Variants in CREBBP observed in about 807,000 individuals in gnomAD.
The protein encoded by CREBBP is CREB-binding protein.
CREBBP carries 19 observed loss-of-function variants against 265.0 expected under a neutral mutation model. That is an observed-to-expected ratio of 0.07 (90% CI 0.05 to 0.11). The LOEUF is 0.11. Ranked by LOEUF, CREBBP falls within the 10% of genes least tolerant of loss-of-function variation. The pLI is 1.00. For synonymous variants in CREBBP, 1,457 were observed against 1,223.7 expected (o/e 1.19, Z -3.98); for missense variants, 2,525 against 3,219.0 (o/e 0.78, Z 5.22).
intron 3 of CREBBP, among the ~76,000 whole-genome samples, chr16:3,797,447 C>T (rs1046021053): frequency 6.6e-6 from 1 of 152,146 alleles, no homozygotes; most frequent in African/African-American, 2.4e-5. Context: ...TCAGATAGTA[C>T]TGAATCCTAT....
At chr16:3,830,834 T>C (rs1454419541) in intron 2 of CREBBP, among the ~76,000 whole-genome samples, 1 of 152,170 alleles carries the variant, frequency 6.6e-6, no homozygotes, top group Admixed American at 6.5e-5. Flanking sequence ...CAGGCTGAAG[T>C]GCAGTGGCGC....
rs747207973 is a variant in CREBBP, at chr16:3,850,327, C to T, written c.768G>A (p.Leu256=). 4 of 1,614,114 alleles carry T rather than the reference C, an allele frequency of 2.5e-6. No individual in the cohort carries two copies. In the East Asian group the frequency reaches 8.9e-5, roughly 36 times the overall value. The change falls in exon 2 of 31, where the codon CTG becomes CTA. Residue 256 remains leucine, a synonymous_variant. Transcript: ENST00000262367. ...CCATGCCTCCTGCCTGTGCGGTGTT[C>T]AGTCCCGCGTGACCAGTCATTTGCG... ...VSPQMTGHAG[L]NTAQAGGMAK...
chr16:3,776,796 A>C (rs1224474556), intron 11 of CREBBP, among the ~76,000 whole-genome samples: 1 of 150,564 alleles, frequency 6.6e-6, no homozygotes, highest in Non-Finnish European at 1.5e-5. Flanking sequence ...GCAGATCACA[A>C]GTTCACGCGA....
chr16:3,729,208 GT>G lies in CREBBP; in HGVS notation c.5838del (p.Pro1948ArgfsTer28). 1 of 1,529,576 alleles carries G rather than the reference GT, an allele frequency of 6.5e-7. No individual in the cohort carries two copies. The highest frequency in any genetic ancestry group is 8.7e-7 in the Non-Finnish European group (1 of 1,143,582). 94.8% of individuals were successfully genotyped at this position (1,529,576 alleles called of 1,614,324 possible). A position where few individuals can be genotyped will look rare whatever the true frequency, so the allele number is the denominator to read the frequency against. On this transcript the variant is annotated frameshift_variant, in exon 31 of 31. Coordinates refer to ENST00000262367, the MANE Select transcript of CREBBP (RefSeq NM_004380.3). LOFTEE classifies it high-confidence loss of function. ...GCTGCAGGAGGGGGCTGGGCCGGGG[GT>G]GGGGGGGCCGGCACCTGGCTGGTAG... The part of the protein sequence containing the change: ...GKPTSQVPAP[P>X]PPAQPPPAAV...
intron 2 of CREBBP, among the ~76,000 whole-genome samples, chr16:3,839,559 G>A (rs2054523410): frequency 6.6e-6 from 1 of 151,922 alleles, no homozygotes; most frequent in South Asian, 2.1e-4. Flanking sequence ...GCGCATGCCT[G>A]TAATCCCAGC....
At chr16:3,772,335 A>G (rs1422976463) in intron 13 of CREBBP, among the ~76,000 whole-genome samples, 1 of 111,860 alleles carries the variant, frequency 8.9e-6, no homozygotes, top group African/African-American at 2.9e-5. Context: ...ACAAACACAC[A>G]CACACACACA....
intron 1 of CREBBP, among the ~76,000 whole-genome samples, chr16:3,858,030 C>T (rs368487736): frequency 1.3e-5 from 2 of 152,208 alleles, no homozygotes; most frequent in East Asian, 3.9e-4. Context: ...AGGACATTCA[C>T]TTCTATACTA....
Position 3,810,492 on chromosome 16 carries a change from T to A in CREBBP, c.975+111A>T, listed in dbSNP as rs1555489225. On this transcript the variant is annotated intron_variant, in intron 3 of 30. Coordinates refer to ENST00000262367, the MANE Select transcript of CREBBP (RefSeq NM_004380.3). ...ATGAGAAATCTGGGTTCTCTTCCTATCACCTACTGACACACTTTTAGTTAT... is the reference window on the plus strand; with the variant it reads ...ATGAGAAATCTGGGTTCTCTTCCTAACACCTACTGACACACTTTTAGTTAT... The A allele has an allele frequency of 4.4e-5, 57 of 1,295,830 alleles. No homozygotes were observed. In the South Asian group the frequency reaches 6.8e-4, roughly 15 times the overall value. The allele number at this position is 1,295,830 out of a possible 1,614,324, so 80.3% of individuals were successfully genotyped here.
Position 3,729,315 on chromosome 16 carries a change from G to A in CREBBP, c.5732C>T (p.Pro1911Leu), listed in dbSNP as rs2051846329. 1.3e-6 allele frequency: 2 copies of A among 1,560,164 alleles called. No homozygotes were observed. Among genetic ancestry groups the A allele is most frequent in the Non-Finnish European group, 1.7e-6 (2 of 1,158,256 alleles). The part of the protein sequence containing the change: ...QTPQPPAQPQ[P>L]SPVSMSPAGF... ...AGCTGGTGACATGCTCACGGGTGAG[G>A]GTTGGGGCTGGGCAGGGGGCTGCGG... The change falls in exon 31 of 31, where the codon CCC becomes CTC. Residue 1911 changes from proline (P) to leucine (L), a missense_variant. By Grantham distance (98) the Pro-to-Leu change is moderately conservative. This residue lies in a region of CREBBP where 275 missense variants were observed against 276.5 expected (regional missense o/e 0.99). Transcript: ENST00000262367.
chr16:3,821,349 T>C (rs1425652904), intron 2 of CREBBP, among the ~76,000 whole-genome samples: 1 of 152,200 alleles, frequency 6.6e-6, no homozygotes, highest in Non-Finnish European at 1.5e-5. Flanking sequence ...GCCCTCACCA[T>C]GGCAATCCTC....
rs1596882262 is a variant in CREBBP at position 3,769,249 on chromosome 16, C to T, written c.2985G>A (p.Leu995=). The T allele has an allele frequency of 1.9e-6, 3 of 1,614,196 alleles. No individual in the cohort carries two copies. The highest frequency in any genetic ancestry group is 2.5e-6 in the Non-Finnish European group (3 of 1,180,042). The part of the protein sequence containing the change: ...SQQPGPDVPV[L]EMKTETQAED... Reference sequence around the variant, plus strand: ...CTGCTTGGGTCTCCGTCTTCATTTCCAGCACAGGTACGTCAGGTCCTGGCT... The same window carrying T: ...CTGCTTGGGTCTCCGTCTTCATTTCTAGCACAGGTACGTCAGGTCCTGGCT... Residue 995 remains leucine (L), a synonymous_variant, in exon 15 of 31, where the codon CTG becomes CTA. Coordinates refer to ENST00000262367, the MANE Select transcript of CREBBP (RefSeq NM_004380.3).
intron 8 of CREBBP, among the ~76,000 whole-genome samples, chr16:3,779,999 C>T (rs933753264): frequency 2.0e-5 from 3 of 151,782 alleles, no homozygotes; most frequent in East Asian, 1.9e-4. Flanking sequence ...CCCAGCACTT[C>T]GGGAGGCTGA....
chr16:3,740,587 C>T lies in CREBBP; in HGVS notation c.3983-38G>A. Reference sequence around the variant, plus strand: ...GAAGGAGCAGGTGAGAGGGCTTCAACAGCACTGCTGAGACAGTGACTGAGA... The same window carrying T: ...GAAGGAGCAGGTGAGAGGGCTTCAATAGCACTGCTGAGACAGTGACTGAGA... On this transcript the variant is annotated intron_variant, in intron 23 of 30. Coordinates refer to ENST00000262367, the MANE Select transcript of CREBBP (RefSeq NM_004380.3). 2.5e-6 allele frequency: 4 copies of T among 1,613,334 alleles called. No homozygotes were observed. In the Middle Eastern group the frequency reaches 4.9e-4, roughly 200 times the overall value.
chr16:3,848,084 C>T (rs1006422800), intron 2 of CREBBP, among the ~76,000 whole-genome samples: 3 of 151,880 alleles, frequency 2.0e-5, no homozygotes, highest in Non-Finnish European at 4.4e-5. Flanking sequence ...GCAGGACAAT[C>T]ACTTGAACCC....
intron 1 of CREBBP, among the ~76,000 whole-genome samples, chr16:3,878,048 T>C (rs28696870): frequency 0.046 from 6,979 of 152,330 alleles, 522 homozygotes; most frequent in African/African-American, 0.16. Flanking sequence ...CAGCTGGATG[T>C]ACATATAAGG....
chr16:3,852,697 G>C (rs1432100904), intron 1 of CREBBP, among the ~76,000 whole-genome samples: 2 of 152,052 alleles, frequency 1.3e-5, no homozygotes, highest in Non-Finnish European at 2.9e-5. Context: ...ACTATAAATG[G>C]ACAAAAGACA....
intron 2 of CREBBP, among the ~76,000 whole-genome samples, chr16:3,821,699 A>C (rs1284296250): frequency 6.6e-6 from 1 of 152,182 alleles, no homozygotes; most frequent in East Asian, 1.9e-4. Flanking sequence ...AAAGAAGAAA[A>C]GGTGATAAAA....
At position 3,729,621 on chromosome 16, in the gene CREBBP, T is replaced by G. The variant is rs1488569881; in HGVS notation, c.5426A>C (p.Lys1809Thr). ...KRVVQHTKGC[K>T]RKTNGGCPVC... is the part of the protein sequence containing the mutation. ...CGGGCAGCCCCCGTTGGTCTTGCGT[T>G]TGCAGCCCTTGGTGTGCTGCACCAC... is the stretch of plus-strand genomic sequence containing the variant. The change falls in exon 31 of 31, where the codon AAA becomes ACA. Residue 1809 changes from lysine (K) to threonine (T), a missense_variant. This residue lies in a region of CREBBP where 53 missense variants were observed against 146.3 expected (regional missense o/e 0.36). Transcript: ENST00000262367. 6.2e-7 allele frequency: 1 copy of G among 1,614,012 alleles called. No individual in the cohort carries two copies. Among genetic ancestry groups the G allele is most frequent in the Non-Finnish European group, 8.5e-7 (1 of 1,180,016 alleles).
At chr16:3,879,749 G>T in intron 1 of CREBBP, 83 bp downstream of exon 1, 1 of 1,431,098 alleles carries the variant, frequency 7.0e-7, no homozygotes, top group Non-Finnish European at 9.6e-7. Context: ...ATCGGTATCC[G>T]CGACCACGAC....
Sources: allele counts gnomAD v4.1 joint callset (sites outside exome capture counted in the v4.1 genomes callset), GRCh38; gene constraint gnomAD v4.1.1; regional missense constraint gnomAD v4.1.1; transcripts MANE v1.5; gene names NCBI Gene and HGNC (gene_info 2026-07-23, HGNC 2026-07-21).